The following SEZ6L variants were observed in gnomAD, a reference collection of about 807,000 sequenced individuals.
SEZ6L encodes seizure related 6 homolog like.
A neutral mutation model predicts 106.2 loss-of-function variants in SEZ6L; 37 were observed. The observed-to-expected ratio is 0.35, with a 90% CI of 0.27 to 0.46. SEZ6L has a LOEUF of 0.46. Ranked by LOEUF, SEZ6L falls within the 20% of genes least tolerant of loss-of-function variation. The probability of loss-of-function intolerance (pLI) is 1.00; values close to 1 mark genes in which losing one functional copy is unlikely to be tolerated. For synonymous variants in SEZ6L, 541 were observed against 570.4 expected (o/e 0.95, Z 0.73); for missense variants, 1,172 against 1,332.8 (o/e 0.88, Z 1.88).
At chr22:26,362,817 G>T (rs738405) in intron 12 of SEZ6L, among the ~76,000 whole-genome samples, 106,159 of 152,076 alleles carry the variant, frequency 0.7, 37,466 homozygotes, top group East Asian at 0.96. Context: ...TAACTCCCAG[G>T]GAAGACTGCT....
chr22:26,175,287 A>G (rs1477856990), intron 1 of SEZ6L, among the ~76,000 whole-genome samples: 1 of 152,220 alleles, frequency 6.6e-6, no homozygotes, highest in East Asian at 1.9e-4. Flanking sequence ...CTAATTCACA[A>G]TCATTATAGT....
In SEZ6L at chr22:26,293,055, T is replaced by C; in HGVS notation, c.744T>C (p.Asn248=). 6.2e-7 allele frequency: 1 copy of C among 1,613,832 alleles called. No homozygotes were observed. Among genetic ancestry groups the C allele is most frequent in the Non-Finnish European group, 8.5e-7 (1 of 1,179,978 alleles). The change falls in exon 2 of 17, where the codon AAT becomes AAC. Residue 248 remains asparagine, a synonymous_variant. Transcript: ENST00000248933. The stretch of plus-strand genomic sequence containing the variant: ...TGGCCCTGATGGACAAAGGTGAGAA[T>C]GAGCTGACTGGGTCAGCCTCAGAGG... ...SPMALMDKGE[N]ELTGSASEES...
intron 1 of SEZ6L, among the ~76,000 whole-genome samples, chr22:26,257,681 G>C (rs1364181920): frequency 6.6e-6 from 1 of 152,146 alleles, no homozygotes; most frequent in Non-Finnish European, 1.5e-5. Flanking sequence ...ACCATGAAGA[G>C]AGGGAACAGG....
chr22:26,230,576 A>AT (rs1174402987), intron 1 of SEZ6L, among the ~76,000 whole-genome samples: 3 of 152,356 alleles, frequency 2.0e-5, no homozygotes, highest in African/African-American at 7.2e-5. Context: ...ACACAGCTAG[A>AT]TAAACAGAAA....
intron 1 of SEZ6L, among the ~76,000 whole-genome samples, chr22:26,217,624 C>T (rs1001004158): frequency 1.3e-5 from 2 of 152,234 alleles, no homozygotes; most frequent in Non-Finnish European, 2.9e-5. Context: ...CATCCAATTT[C>T]AATTTCTATG....
chr22:26,188,238 T>C (rs1939932073), intron 1 of SEZ6L, among the ~76,000 whole-genome samples: 1 of 152,212 alleles, frequency 6.6e-6, no homozygotes, highest in African/African-American at 2.4e-5. Flanking sequence ...TAGTTAACTA[T>C]TGTTGTGTAA....
intron 1 of SEZ6L, among the ~76,000 whole-genome samples, chr22:26,268,704 G>A (rs1442987274): frequency 1.3e-5 from 2 of 152,052 alleles, no homozygotes; most frequent in Non-Finnish European, 2.9e-5. Context: ...TGCATTGTAG[G>A]ATGTTTAGCA....
intron 1 of SEZ6L, among the ~76,000 whole-genome samples, chr22:26,216,255 A>T (rs1265396429): frequency 1.3e-5 from 2 of 152,212 alleles, no homozygotes; most frequent in African/African-American, 4.8e-5. Flanking sequence ...CTTTCTGCTA[A>T]ATCAGTCTTT....
chr22:26,310,975 G>GA, intron 7 of SEZ6L, 139 bp downstream of exon 7: 2 of 805,788 alleles, frequency 2.5e-6, no homozygotes, highest in South Asian at 3.4e-5. Flanking sequence ...GGTTTCCAAA[G>GA]ACAGGCTCTT....
chr22:26,282,691 G>A (rs1476300017), intron 1 of SEZ6L, among the ~76,000 whole-genome samples: 1 of 152,118 alleles, frequency 6.6e-6, no homozygotes, highest in Non-Finnish European at 1.5e-5. Flanking sequence ...ATCATCAAGG[G>A]GGCTTTTTAG....
intron 1 of SEZ6L, among the ~76,000 whole-genome samples, chr22:26,206,360 A>G (rs1482062131): frequency 6.6e-6 from 1 of 152,216 alleles, no homozygotes; most frequent in Non-Finnish European, 1.5e-5. Flanking sequence ...AGAGTTCTGC[A>G]TAGTATATAA....
intron 1 of SEZ6L, among the ~76,000 whole-genome samples, chr22:26,247,750 C>A (rs531439055): frequency 2.0e-5 from 3 of 152,110 alleles, no homozygotes; most frequent in Non-Finnish European, 4.4e-5. Context: ...TGGCAGCTCT[C>A]GGAAACTAAT....
At chr22:26,346,001 T>G (rs2082994960) in intron 10 of SEZ6L, among the ~76,000 whole-genome samples, 1 of 151,214 alleles carries the variant, frequency 6.6e-6, no homozygotes, top group South Asian at 2.1e-4. Flanking sequence ...CAACAGTTTA[T>G]TTTTATTTAT....
At position 26,342,210 on chromosome 22, in the gene SEZ6L, C is replaced by T. The variant is rs759798716; in HGVS notation, c.2212+1578C>T. Among the ~76,000 whole-genome samples the T allele has an allele frequency of 3.3e-5, 5 of 152,258 alleles. 1 individual carries two copies. Among genetic ancestry groups the T allele is most frequent in the Admixed American group, 6.5e-5 (1 of 15,302 alleles). On this transcript the variant is annotated intron_variant, in intron 10 of 16. Coordinates refer to ENST00000248933, the MANE Select transcript of SEZ6L (RefSeq NM_021115.5). ...CCCAAGAATTTCAATGGGCAGGATT[C>T]GGCCAGTGATTAGGAAACGTGCTTG...
chr22:26,193,951 A>G (rs1940415542), intron 1 of SEZ6L, among the ~76,000 whole-genome samples: 1 of 152,216 alleles, frequency 6.6e-6, no homozygotes, highest in African/African-American at 2.4e-5. Flanking sequence ...GGTTCTGTGT[A>G]TAAACAATTT....
chr22:26,358,529 C>T (rs1334871741), intron 12 of SEZ6L, among the ~76,000 whole-genome samples: 1 of 152,130 alleles, frequency 6.6e-6, no homozygotes, highest in African/African-American at 2.4e-5. Flanking sequence ...GACTTGATTT[C>T]GAGCTTTTTG....
chr22:26,297,965 G>C (rs1333464106), intron 4 of SEZ6L, among the ~76,000 whole-genome samples: 1 of 151,928 alleles, frequency 6.6e-6, no homozygotes, highest in East Asian at 1.9e-4. Context: ...ACCAACTGCT[G>C]AAACATCTGA....
At chr22:26,186,428 G>A (rs1363259795) in intron 1 of SEZ6L, among the ~76,000 whole-genome samples, 1 of 152,098 alleles carries the variant, frequency 6.6e-6, no homozygotes, top group East Asian at 1.9e-4. Flanking sequence ...TTTGCAGTGG[G>A]GGAGATTGGG....
intron 1 of SEZ6L, among the ~76,000 whole-genome samples, chr22:26,264,104 G>A (rs139030375): frequency 3.3e-5 from 5 of 152,344 alleles, no homozygotes; most frequent in African/African-American, 1.2e-4. Context: ...CTCAGATCAA[G>A]GATTCCAGTC....
Sources: gnomAD v4.1 joint callset for allele counts (sites outside exome capture counted in the v4.1 genomes callset) on GRCh38, gnomAD v4.1.1 for gene constraint, MANE v1.5 for transcripts, NCBI Gene and HGNC (gene_info 2026-07-23, HGNC 2026-07-21) for gene names.